Variants in EPHB3 observed in about 807,000 individuals in gnomAD.
The protein encoded by EPHB3 is EPH receptor B3.
EPHB3 carries 33 observed loss-of-function variants against 100.2 expected under a neutral mutation model. The ratio of observed to expected loss-of-function variants is 0.33; its 90% CI spans 0.25 to 0.44. The LOEUF (loss-of-function observed/expected upper bound fraction) is 0.44, where lower values mean the gene tolerates loss of function less well. EPHB3 is among the 20% of genes least tolerant of loss of function. The probability of loss-of-function intolerance (pLI) is 1.00; values close to 1 mark genes in which losing one functional copy is unlikely to be tolerated. For synonymous variants in EPHB3, 526 were observed against 554.7 expected (o/e 0.95, Z 0.73); for missense variants, 1,045 against 1,378.3 (o/e 0.76, Z 3.83).
At chr3:184,580,154 T>C (rs12696532) in intron 11 of EPHB3, among the ~76,000 whole-genome samples, 56,282 of 152,090 alleles carry the variant, frequency 0.37, 11,482 homozygotes, top group African/African-American at 0.54. Flanking sequence ...CTTAACCTCT[T>C]TGAGTCTCAG....
Position 184,573,209 on chromosome 3 carries a change from C to T in EPHB3, c.856+33C>T, listed in dbSNP as rs375536423. 104 of 1,605,214 alleles carry T rather than the reference C, an allele frequency of 6.5e-5. No individual in the cohort carries two copies. The African/African-American group carries it at 1.0e-3, about 15-fold the overall frequency. On this transcript the variant is annotated intron_variant, in intron 3 of 15. Transcript: ENST00000330394. This position sits in a 1 kb window ranked among gnomAD's most constrained non-coding sequence, Gnocchi z 4.5. ...GGGACTGTCCTGGGGAAAGGGTTGT[C>T]GGGAGGGCCTGGGCCACAGCTACCT...
rs1232256270 is a variant in EPHB3, at chr3:184,579,189, A to G, written c.1802-288A>G. ...AGCCCAGCTGGGAGGCTATTGGAAT[A>G]GTGTGAGTGTTGAAGGCCTGGACAA... On this transcript the variant is annotated intron_variant, in intron 9 of 15. Transcript: ENST00000330394. This position sits in a 1 kb window ranked among gnomAD's most constrained non-coding sequence, Gnocchi z 5.2. 2.0e-5 allele frequency among the ~76,000 whole-genome samples: 3 copies of G among 152,164 alleles called. No individual in the cohort carries two copies. Among genetic ancestry groups the G allele is most frequent in the Non-Finnish European group, 4.4e-5 (3 of 68,016 alleles).
At position 184,565,526 on chromosome 3, in the gene EPHB3, C is replaced by G. The variant is rs968947960; in HGVS notation, c.118+3173C>G. Among the ~76,000 whole-genome samples the G allele has an allele frequency of 5.3e-5, 8 of 152,172 alleles. No homozygotes were observed. Among genetic ancestry groups the G allele is most frequent in the African/African-American group, 1.9e-4 (8 of 41,450 alleles). On this transcript the variant is annotated intron_variant, in intron 1 of 15. Coordinates refer to ENST00000330394, the MANE Select transcript of EPHB3 (RefSeq NM_004443.4). This position sits in a 1 kb window ranked among gnomAD's most constrained non-coding sequence, Gnocchi z 4.8. Reference sequence around the variant, plus strand: ...GCAGGAGGTGGGGCCAGCACGTCCCCCTCCAGCCAAGCCTTGGTAGCTGAG... The same window carrying G: ...GCAGGAGGTGGGGCCAGCACGTCCCGCTCCAGCCAAGCCTTGGTAGCTGAG...
At chr3:184,567,912 A>G (rs1227151872) in intron 1 of EPHB3, among the ~76,000 whole-genome samples, 1 of 152,188 alleles carries the variant, frequency 6.6e-6, no homozygotes, top group Non-Finnish European at 1.5e-5. Flanking sequence ...TTCACTGTAT[A>G]TGAATGTCTA....
chr3:184,571,892 G>A lies in EPHB3; in HGVS notation c.183+510G>A, dbSNP rs968152829. Among the ~76,000 whole-genome samples the A allele has an allele frequency of 7.2e-5, 11 of 152,074 alleles. No homozygotes were observed. Among genetic ancestry groups the A allele is most frequent in the Non-Finnish European group, 7.4e-5 (5 of 68,020 alleles). On this transcript the variant is annotated intron_variant, in intron 2 of 15. Transcript: ENST00000330394. This position sits in a 1 kb window ranked among gnomAD's most constrained non-coding sequence, Gnocchi z 5.0. ...TCTAAGCCCTAGAACCCTGGAGTAC[G>A]ATGGCACTACAGGCCCTGCAGTCAC...
At chr3:184,564,325 A>G (rs1267408414) in intron 1 of EPHB3, among the ~76,000 whole-genome samples, 3 of 152,182 alleles carry the variant, frequency 2.0e-5, no homozygotes, top group Non-Finnish European at 2.9e-5. Flanking sequence ...CACTTTTGCA[A>G]TACCTCAGAC....
chr3:184,567,634 G>T (rs1714420010), intron 1 of EPHB3, among the ~76,000 whole-genome samples: 1 of 152,210 alleles, frequency 6.6e-6, no homozygotes, highest in African/African-American at 2.4e-5. Context: ...TTGGACATCT[G>T]TGACTTTGCA....
chr3:184,562,251 C>T lies in EPHB3; in HGVS notation c.16C>T (p.Pro6Ser). 1.0e-6 allele frequency: 1 copy of T among 975,836 alleles called. No homozygotes were observed. The highest frequency in any genetic ancestry group is 1.3e-6 in the Non-Finnish European group (1 of 776,038). 60.4% of individuals were successfully genotyped at this position (975,836 alleles called of 1,614,324 possible). A position where few individuals can be genotyped will look rare whatever the true frequency, so the allele number is the denominator to read the frequency against. MARAR[P>S]PPPPSPPPGL... is the part of the protein sequence containing the mutation. ...TGCCACGGCCATGGCCAGAGCCCGC[C>T]CGCCGCCGCCGCCGTCGCCGCCGCC... The change falls in exon 1 of 16, where the codon CCG (proline) becomes TCG (serine). Residue 6 changes from proline (P) to serine (S), a missense_variant. Transcript: ENST00000330394. This position sits in a 1 kb window ranked among gnomAD's most constrained non-coding sequence, Gnocchi z 4.8.
rs80234080 is a variant in EPHB3, at chr3:184,576,459, G to A, written c.1013-383G>A. On this transcript the variant is annotated intron_variant, in intron 4 of 15. Coordinates refer to ENST00000330394, the MANE Select transcript of EPHB3 (RefSeq NM_004443.4). ...TGTGCCGGGCATTGTGCTGGGTATC[G>A]AGGGTGAGGAGGTGAATAAGATACA... is the stretch of plus-strand genomic sequence containing the variant. Among the ~76,000 whole-genome samples the A allele has an allele frequency of 2.6e-3, 389 of 152,316 alleles. 1 individual carries two copies. Among genetic ancestry groups the A allele is most frequent in the African/African-American group, 8.6e-3 (359 of 41,568 alleles).
Position 184,579,715 on chromosome 3 carries a change from A to G in EPHB3, c.1953A>G (p.Arg651=). ...AGEFGEVCRG[R]LKQPGRREVF... The stretch of plus-strand genomic sequence containing the variant: ...AATTTGGGGAAGTGTGCCGTGGTCG[A>G]CTGAAACAGCCTGGCCGCCGAGAGG... Residue 651 remains arginine (R), a synonymous_variant, in exon 11 of 16, where the codon CGA becomes CGG. Coordinates refer to ENST00000330394, the MANE Select transcript of EPHB3 (RefSeq NM_004443.4). The surrounding 1 kb of genome is among the most constrained non-coding windows in gnomAD (Gnocchi z 5.2). The G allele has an allele frequency of 6.2e-7, 1 of 1,612,260 alleles. No homozygotes were observed. Among genetic ancestry groups the G allele is most frequent in the Non-Finnish European group, 8.5e-7 (1 of 1,178,864 alleles).
chr3:184,575,092 C>G (rs1193940895), intron 3 of EPHB3: 1 of 960,760 alleles, frequency 1.0e-6, no homozygotes, highest in African/African-American at 1.8e-5. Flanking sequence ...GAAGAATACA[C>G]GATAAGGCTA....
In EPHB3 at chr3:184,581,841, A is replaced by C. The variant is rs1042510799; in HGVS notation, c.*219A>C. 3.8e-6 allele frequency: 2 copies of C among 527,684 alleles called. No individual in the cohort carries two copies. Among genetic ancestry groups the C allele is most frequent in the Non-Finnish European group, 6.6e-6 (2 of 303,514 alleles). 32.7% of individuals were successfully genotyped at this position (527,684 alleles called of 1,614,324 possible). ...TGAAGATGGATTAGGAGAGGGGGTG[A>C]TGACCCCTCCCCAAGCCCCTCAGGG... On this transcript the variant is annotated 3_prime_UTR_variant, in exon 16 of 16. Coordinates refer to ENST00000330394, the MANE Select transcript of EPHB3 (RefSeq NM_004443.4).
chr3:184,572,914 C>T lies in EPHB3; in HGVS notation c.594C>T (p.Ala198=). The T allele has an allele frequency of 6.4e-7, 1 of 1,565,004 alleles. No individual in the cohort carries two copies. ...GFYLAFQDQG[A]CMSLISVRAF... ...ACCTGGCCTTCCAGGACCAGGGCGC[C>T]TGCATGTCGCTCATCTCCGTGCGCG... The change falls in exon 3 of 16, where the codon GCC becomes GCT. Residue 198 remains alanine (A), a synonymous_variant. Transcript: ENST00000330394. This position sits in a 1 kb window ranked among gnomAD's most constrained non-coding sequence, Gnocchi z 6.6.
chr3:184,581,767 C>G lies in EPHB3; in HGVS notation c.*145C>G. 2 of 773,356 alleles carry G rather than the reference C, an allele frequency of 2.6e-6. No homozygotes were observed. The highest frequency in any genetic ancestry group is 4.0e-6 in the Non-Finnish European group (2 of 494,988). 47.9% of individuals were successfully genotyped at this position (773,356 alleles called of 1,614,324 possible). A position where few individuals can be genotyped will look rare whatever the true frequency, so the allele number is the denominator to read the frequency against. ...GGGAAAGGCCCAAGCTGGGACTTCT[C>G]CAGGCCTGTGTTCCCTCCCCAGGAA... is the stretch of plus-strand genomic sequence containing the variant. On this transcript the variant is annotated 3_prime_UTR_variant, in exon 16 of 16. Coordinates refer to ENST00000330394, the MANE Select transcript of EPHB3 (RefSeq NM_004443.4).
chr3:184,580,849 C>T lies in EPHB3; in HGVS notation c.2509C>T (p.Arg837Ter). 2 of 1,614,144 alleles carry T rather than the reference C, an allele frequency of 1.2e-6. No individual in the cohort carries two copies. The highest frequency in any genetic ancestry group is 1.7e-6 in the Non-Finnish European group (2 of 1,179,976). The change falls in exon 13 of 16, where the codon CGA becomes TGA. Residue 837 changes from arginine (R) to a stop codon, truncating the protein, a stop_gained. Transcript: ENST00000330394. LOFTEE classifies it high-confidence loss of function. ...GTGGGAGGTCATGAGCTATGGAGAG[C>T]GACCCTACTGGGACATGAGCAACCA... ...VMWEVMSYGE[R>*]PYWDMSNQDV...
At chr3:184,574,943 C>A (rs1304668196) in intron 3 of EPHB3, among the ~76,000 whole-genome samples, 1 of 152,250 alleles carries the variant, frequency 6.6e-6, no homozygotes, top group African/African-American at 2.4e-5. Flanking sequence ...GGCGTTCTCC[C>A]CTATGGGTGT....
intron 1 of EPHB3, among the ~76,000 whole-genome samples, chr3:184,564,349 G>C (rs1049677839): frequency 2.6e-5 from 4 of 152,220 alleles, no homozygotes; most frequent in Non-Finnish European, 5.9e-5. Context: ...CTGGTCTCCA[G>C]TTCGTGCGTG....
At chr3:184,567,937 G>A (rs1372289333) in intron 1 of EPHB3, among the ~76,000 whole-genome samples, 1 of 152,188 alleles carries the variant, frequency 6.6e-6, no homozygotes, top group Non-Finnish European at 1.5e-5. Context: ...AGACTAATCT[G>A]TTTGTACCAT....
chr3:184,578,085 T>C lies in EPHB3; in HGVS notation c.1748+79T>C. On this transcript the variant is annotated intron_variant, in intron 8 of 15. Transcript: ENST00000330394. The surrounding 1 kb of genome is among the most constrained non-coding windows in gnomAD (Gnocchi z 4.7). ...TCCTAGAGCCCTCATGCCACAGAGA[T>C]GAGCCGCCACCACTTCCCTCAGACC... is the stretch of plus-strand genomic sequence containing the variant. The C allele has an allele frequency of 6.8e-7, 1 of 1,476,882 alleles. No individual in the cohort carries two copies. Among genetic ancestry groups the C allele is most frequent in the Non-Finnish European group, 9.2e-7 (1 of 1,085,790 alleles). 91.5% of individuals were successfully genotyped at this position (1,476,882 alleles called of 1,614,324 possible).
Sources: gnomAD v4.1 joint callset for allele counts (sites outside exome capture counted in the v4.1 genomes callset) on GRCh38, gnomAD v4.1.1 for gene constraint, Gnocchi (gnomAD v3.1) non-coding constraint, MANE v1.5 for transcripts, NCBI Gene and HGNC (gene_info 2026-07-23, HGNC 2026-07-21) for gene names.